CKAP5: variants seen among roughly 807,000 people sequenced by gnomAD.
CKAP5 encodes the protein cytoskeleton-associated protein 5.
CKAP5 carries 27 observed loss-of-function variants against 232.8 expected under a neutral mutation model. The ratio of observed to expected loss-of-function variants is 0.12; its 90% CI spans 0.09 to 0.16. CKAP5 has a LOEUF of 0.16. Among genes scored for constraint, CKAP5 ranks in the 10% least tolerant of loss-of-function variants. The pLI is 1.00. For synonymous variants in CKAP5, 785 were observed against 841.1 expected (o/e 0.93, Z 1.16); for missense variants, 1,838 against 2,424.7 (o/e 0.76, Z 5.08).
intron 2 of CKAP5, among the ~76,000 whole-genome samples, chr11:46,820,049 A>G (rs868670394): frequency 7.2e-5 from 11 of 152,118 alleles, no homozygotes; most frequent in African/African-American, 1.7e-4. Flanking sequence ...CTCTTAGCAC[A>G]TATTAACCAA....
rs181868306 is a variant in CKAP5, at chr11:46,801,837, A to C, written c.979-533T>G. Among the ~76,000 whole-genome samples, 40 of 152,298 alleles carry C rather than the reference A, an allele frequency of 2.6e-4. No homozygotes were observed. In the East Asian group the frequency reaches 6.9e-3, roughly 26 times the overall value. On this transcript the variant is annotated intron_variant, in intron 8 of 43. Transcript: ENST00000529230. The stretch of plus-strand genomic sequence containing the variant: ...CTAATAAAACATAGATAAAACCACA[A>C]CATCAAATTGCTCACTATCCAGTAG...
chr11:46,839,049 C>G (rs1033172161), intron 1 of CKAP5, among the ~76,000 whole-genome samples: 4 of 151,954 alleles, frequency 2.6e-5, no homozygotes, highest in African/African-American at 9.7e-5. Flanking sequence ...AAAAAAAAAT[C>G]TATGTTCTGC....
At chr11:46,776,628 T>C (rs1378568007) in intron 23 of CKAP5, among the ~76,000 whole-genome samples, 1 of 152,176 alleles carries the variant, frequency 6.6e-6, no homozygotes, top group Admixed American at 6.5e-5. Context: ...AAACAGTGAG[T>C]GATCTGGGCA....
intron 1 of CKAP5, among the ~76,000 whole-genome samples, chr11:46,823,673 G>T (rs1939593309): frequency 6.6e-6 from 1 of 152,010 alleles, no homozygotes; most frequent in African/African-American, 2.4e-5. Context: ...TTGCAACCTT[G>T]ATGTCCTGGG....
intron 33 of CKAP5, among the ~76,000 whole-genome samples, chr11:46,760,114 T>G (rs551428745): frequency 2.6e-5 from 4 of 152,202 alleles, no homozygotes; most frequent in Non-Finnish European, 4.4e-5. Context: ...TAATTAGCCT[T>G]ATCTCAAGAA....
At chr11:46,767,761 C>T in intron 26 of CKAP5, 98 bp from the exon 27 acceptor site, 1 of 678,326 alleles carries the variant, frequency 1.5e-6, no homozygotes, top group Non-Finnish European at 2.4e-6. Flanking sequence ...AGCTTGCAGT[C>T]TTAAATGTAT....
chr11:46,817,112 GAAA>G (rs75795895), intron 3 of CKAP5, among the ~76,000 whole-genome samples: 2 of 107,204 alleles, frequency 1.9e-5, no homozygotes, highest in African/African-American at 6.9e-5. Flanking sequence ...GTATCAAAAA[GAAA>G]AAAAAAAAAA....
chr11:46,769,853 T>A, intron 26 of CKAP5, 110 bp downstream of exon 26: 1 of 1,209,848 alleles, frequency 8.3e-7, no homozygotes, highest in South Asian at 1.4e-5. Context: ...GAAGGAGAGC[T>A]TGGATCTACG....
chr11:46,789,454 T>A (rs1938645997), intron 15 of CKAP5, among the ~76,000 whole-genome samples: 1 of 152,168 alleles, frequency 6.6e-6, no homozygotes, highest in Non-Finnish European at 1.5e-5. Flanking sequence ...TAGAGTGACC[T>A]ATTTGCCTAG....
At chr11:46,767,725 G>C (rs1295743627) in intron 26 of CKAP5, 62 bp from the exon 27 acceptor site, 1 of 994,770 alleles carries the variant, frequency 1.0e-6, no homozygotes, top group Admixed American at 2.2e-5. Flanking sequence ...ATTTTGGACA[G>C]GTTAAATATA....
intron 28 of CKAP5, among the ~76,000 whole-genome samples, chr11:46,764,168 T>G (rs1213582810): frequency 1.3e-5 from 2 of 151,952 alleles, no homozygotes; most frequent in African/African-American, 4.8e-5. Context: ...AAAAAAAAAA[T>G]TAATCCTACA....
chr11:46,744,035 G>A lies in CKAP5; in HGVS notation c.6087C>T (p.Ser2029=). The change falls in exon 44 of 44, where the codon AGC becomes AGT. Residue 2029 remains serine, a synonymous_variant. Transcript: ENST00000529230. ...GAGTGGGGCAGCTTCATTTGCGACTGCTCTTTATTCTCTCCAGTCTTTTTT... is the reference window on the plus strand; with the variant it reads ...GAGTGGGGCAGCTTCATTTGCGACTACTCTTTATTCTCTCCAGTCTTTTTT... The part of the protein sequence containing the change: ...DLKKRLERIK[S]SRK 1 of 1,612,920 alleles carries A rather than the reference G, an allele frequency of 6.2e-7. No individual in the cohort carries two copies. Among genetic ancestry groups the A allele is most frequent in the East Asian group, 2.2e-5 (1 of 44,882 alleles).
chr11:46,787,772 T>C (rs1390741088), intron 16 of CKAP5, among the ~76,000 whole-genome samples: 2 of 152,238 alleles, frequency 1.3e-5, no homozygotes, highest in African/African-American at 2.4e-5. Flanking sequence ...TATACACATA[T>C]AAATTCCTAA....
At chr11:46,817,524 G>T (rs185778357) in intron 3 of CKAP5, among the ~76,000 whole-genome samples, 1 of 152,268 alleles carries the variant, frequency 6.6e-6, no homozygotes, top group Admixed American at 6.5e-5. Context: ...TATCAGAAGA[G>T]AAATTAAAAA....
intron 1 of CKAP5, among the ~76,000 whole-genome samples, chr11:46,832,163 T>C (rs1432581701): frequency 2.6e-5 from 4 of 152,296 alleles, no homozygotes; most frequent in Non-Finnish European, 5.9e-5. Flanking sequence ...CCTGGTCTTA[T>C]AAAGAAAATT....
At chr11:46,752,217 C>CACAT (rs1555160688) in intron 38 of CKAP5, among the ~76,000 whole-genome samples, 3 of 123,894 alleles carry the variant, frequency 2.4e-5, no homozygotes, top group East Asian at 2.2e-4. Flanking sequence ...CACACACACA[C>CACAT]ACACACACAC....
At chr11:46,796,164 C>CAAAA (rs60980136) in intron 12 of CKAP5, among the ~76,000 whole-genome samples, 1 of 113,350 alleles carries the variant, frequency 8.8e-6, no homozygotes, top group East Asian at 2.9e-4. Flanking sequence ...GATTCATTGC[C>CAAAA]AAAAAAAAAA....
At chr11:46,789,040 T>C (rs562436209) in intron 15 of CKAP5, among the ~76,000 whole-genome samples, 1 of 152,392 alleles carries the variant, frequency 6.6e-6, no homozygotes, top group Admixed American at 6.5e-5. Flanking sequence ...ATTTCAGGAA[T>C]TCACAAATAG....
At chr11:46,756,896 C>T (rs538423517) in intron 35 of CKAP5, among the ~76,000 whole-genome samples, 86 of 151,674 alleles carry the variant, frequency 5.7e-4, no homozygotes, top group African/African-American at 1.5e-3. Context: ...GCTGGGATTA[C>T]AGGCATGTGC....
Sources: allele counts gnomAD v4.1 joint callset (sites outside exome capture counted in the v4.1 genomes callset), GRCh38; gene constraint gnomAD v4.1.1; transcripts MANE v1.5; gene names NCBI Gene and HGNC (gene_info 2026-07-23, HGNC 2026-07-21).